ATP6V1B1: variants seen among roughly 807,000 people sequenced by gnomAD.
ATP6V1B1 encodes ATPase H+ transporting V1 subunit B1, also known as V-type proton ATPase subunit B, kidney isoform.
Under a neutral mutation model 62.1 loss-of-function variants are expected in ATP6V1B1, and 41 were observed. The observed-to-expected ratio is 0.66, with a 90% CI of 0.51 to 0.86. The LOEUF is 0.86. Ranked by LOEUF, ATP6V1B1 falls within the 40% of genes least tolerant of loss-of-function variation. The pLI, the probability that ATP6V1B1 is intolerant of heterozygous loss-of-function variation, is 0.00. For missense variants in ATP6V1B1, 651 were observed against 697.5 expected, an observed-to-expected ratio of 0.93 and a Z score of 0.75; for synonymous variants, 253 against 273.4, an observed-to-expected ratio of 0.93 and a Z score of 0.74.
chr2:70,962,959 C>A, intron 9 of ATP6V1B1, 59 bp downstream of exon 9: 1 of 1,611,032 alleles, frequency 6.2e-7, no homozygotes, highest in South Asian at 1.1e-5. Context: ...GCCTGACACC[C>A]CAGACGGTCA....
At position 70,964,112 on chromosome 2, in the gene ATP6V1B1, G is replaced by GTTTTTTTTTTTTT. The variant is rs1330555546; in HGVS notation, c.1144-325_1144-324insTTTTTTTTTTTTT. Reference sequence around the variant, plus strand: ...TGACGTTTTTCTCTTTGCTTGGCAGGTATTTTTTTTTTTTTTTTTTTTTTG... The same window carrying GTTTTTTTTTTTTT: ...TGACGTTTTTCTCTTTGCTTGGCAGGTTTTTTTTTTTTTTATTTTTTTTTTTTTTTTTTTTTTG... On this transcript the variant is annotated intron_variant, in intron 11 of 13. Transcript: ENST00000234396. The GTTTTTTTTTTTTT allele has an allele frequency of 6.7e-4, 106 of 158,308 alleles. 1 individual carries two copies. The highest frequency in any genetic ancestry group is 5.1e-3 in the African/African-American group (94 of 18,446). 9.8% of individuals were successfully genotyped at this position (158,308 alleles called of 1,614,324 possible).
At chr2:70,962,434 A>T (rs1276437413) in intron 8 of ATP6V1B1, among the ~76,000 whole-genome samples, 1 of 152,102 alleles carries the variant, frequency 6.6e-6, no homozygotes, top group Non-Finnish European at 1.5e-5. Flanking sequence ...CTACAGTGTG[A>T]TATGCCAGAG....
At chr2:70,958,168 G>A (rs1553419394) in intron 3 of ATP6V1B1, 24 bp downstream of exon 3, 1 of 1,610,600 alleles carries the variant, frequency 6.2e-7, no homozygotes, top group Non-Finnish European at 8.5e-7. Context: ...ATGGGACATT[G>A]GCTAGTTAAA....
At chr2:70,936,126 G>C in intron 1 of ATP6V1B1, 54 bp downstream of exon 1, 1 of 1,568,558 alleles carries the variant, frequency 6.4e-7, no homozygotes, top group Non-Finnish European at 8.8e-7. Flanking sequence ...GCTGGGGTGG[G>C]CTGCCAGGTT....
chr2:70,958,573 T>C, intron 4 of ATP6V1B1, 147 bp downstream of exon 4: 1 of 753,890 alleles, frequency 1.3e-6, no homozygotes, highest in Non-Finnish European at 2.2e-6. Flanking sequence ...CTGGGGTATG[T>C]CTTCTCTCTG....
chr2:70,945,487 AGAGT>A (rs148330066), intron 2 of ATP6V1B1, among the ~76,000 whole-genome samples: 23,651 of 151,726 alleles, frequency 0.16, 2,139 homozygotes, highest in East Asian at 0.48. Flanking sequence ...ACAAGAGGAT[AGAGT>A]ATGTAGAAAG....
In ATP6V1B1 at chr2:70,964,570, T is replaced by C. The variant is rs1553420717; in HGVS notation, c.1248+28T>C. On this transcript the variant is annotated intron_variant, in intron 12 of 13. Transcript: ENST00000234396. ...AAGGAGAAGAGGGTCCGGGGGCTGGTAGGTCCTCTAGTTTCCGAAGCTGAA... is the reference window on the plus strand; with the variant it reads ...AAGGAGAAGAGGGTCCGGGGGCTGGCAGGTCCTCTAGTTTCCGAAGCTGAA... The C allele has an allele frequency of 1.9e-6, 3 of 1,611,504 alleles. No individual in the cohort carries two copies. The South Asian group carries it at 3.3e-5, about 18-fold the overall frequency.
At chr2:70,948,633 T>TG (rs1193132588) in intron 2 of ATP6V1B1, 1 of 152,354 alleles carries the variant, frequency 6.6e-6, no homozygotes, top group Non-Finnish European at 1.5e-5. Flanking sequence ...CTCCCTCTTG[T>TG]GGTTGAGAAC....
At chr2:70,954,301 G>A (rs571615839) in intron 2 of ATP6V1B1, among the ~76,000 whole-genome samples, 4 of 152,116 alleles carry the variant, frequency 2.6e-5, no homozygotes, top group Non-Finnish European at 5.9e-5. Context: ...TTATGGGAGC[G>A]AAATGTTTTC....
intron 2 of ATP6V1B1, among the ~76,000 whole-genome samples, chr2:70,954,057 A>T (rs1553418656): frequency 6.6e-6 from 1 of 152,040 alleles, no homozygotes; most frequent in East Asian, 1.9e-4. Context: ...TGTCTACTTT[A>T]TTCAGCTTTT....
At chr2:70,957,229 G>C (rs1680459268) in intron 2 of ATP6V1B1, among the ~76,000 whole-genome samples, 1 of 141,390 alleles carries the variant, frequency 7.1e-6, no homozygotes, top group African/African-American at 2.6e-5. Flanking sequence ...GGGACTACAG[G>C]TGTGCACCAC....
rs1553419734 is a variant in ATP6V1B1 at position 70,959,916 on chromosome 2, G to A, written c.446-23G>A. On this transcript the variant is annotated intron_variant, in intron 5 of 13. Transcript: ENST00000234396. This position sits in a 1 kb window ranked among gnomAD's most constrained non-coding sequence, Gnocchi z 4.2. ...GGAAGGGTTTGAACCCCTGAGCATG[G>A]CTCTGTGATCGCCCTCTCCCAGGCC... 4 of 1,614,072 alleles carry A rather than the reference G, an allele frequency of 2.5e-6. No individual in the cohort carries two copies. The South Asian group carries it at 3.3e-5, about 13-fold the overall frequency.
Position 70,964,886 on chromosome 2 carries a change from G to T in ATP6V1B1, c.1378+21G>T, listed in dbSNP as rs782449964. On this transcript the variant is annotated intron_variant, in intron 13 of 13. Coordinates refer to ENST00000234396, the MANE Select transcript of ATP6V1B1 (RefSeq NM_001692.4). ...TCAGGGTAAGGCGCGTCGCTGGTGT[G>T]GAGCCAGTAACCTCTTCACCCTCCT... 6.2e-6 allele frequency: 10 copies of T among 1,614,038 alleles called. No individual in the cohort carries two copies. In the Admixed American group the frequency reaches 1.3e-4, roughly 22 times the overall value.
intron 2 of ATP6V1B1, chr2:70,944,109 CACAGGATCTTCTTTTA>C: frequency 7.8e-7 from 1 of 1,287,530 alleles, no homozygotes; most frequent in South Asian, 1.3e-5. Flanking sequence ...CCTCGACTCT[CACAGGATCTTCTTTTA>C]ACGGGAAAGA....
Position 70,964,799 on chromosome 2 carries a change from C to T in ATP6V1B1, c.1312C>T (p.Leu438Phe). The T allele has an allele frequency of 6.2e-7, 1 of 1,614,012 alleles. No individual in the cohort carries two copies. Among genetic ancestry groups the T allele is most frequent in the Non-Finnish European group, 8.5e-7 (1 of 1,180,036 alleles). Residue 438 changes from leucine (L) to phenylalanine (F), a missense_variant, in exon 13 of 14, where the codon CTC (leucine) becomes TTC (phenylalanine). Transcript: ENST00000234396. ...AMKAVVGEEA[L>F]TSEDLLYLEF... The stretch of plus-strand genomic sequence containing the variant: ...GAAGGCAGTAGTTGGGGAGGAGGCG[C>T]TCACCTCTGAGGACCTGCTCTACCT...
In ATP6V1B1 at chr2:70,963,036, C is replaced by G; in HGVS notation, c.910-126C>G. 2 of 1,597,818 alleles carry G rather than the reference C, an allele frequency of 1.3e-6. No homozygotes were observed. The highest frequency in any genetic ancestry group is 1.7e-6 in the Non-Finnish European group (2 of 1,171,114). On this transcript the variant is annotated intron_variant, in intron 9 of 13. Transcript: ENST00000234396. The surrounding 1 kb of genome is among the most constrained non-coding windows in gnomAD (Gnocchi z 4.3). The stretch of plus-strand genomic sequence containing the variant: ...ACTCCCATGAGTTCCAGGGCTTGGT[C>G]TCAGCCTGGCCATTCCTCCCCTGCC...
chr2:70,950,216 C>T (rs2104815758), intron 2 of ATP6V1B1, among the ~76,000 whole-genome samples: 1 of 152,242 alleles, frequency 6.6e-6, no homozygotes, highest in South Asian at 2.1e-4. Context: ...TATCAATTTA[C>T]TGCTTGACTT....
At chr2:70,955,600 C>CT (rs1364975790) in intron 2 of ATP6V1B1, among the ~76,000 whole-genome samples, 3 of 151,984 alleles carry the variant, frequency 2.0e-5, no homozygotes, top group Non-Finnish European at 4.4e-5. Flanking sequence ...CTGTGCCTGA[C>CT]TTTTTTCACT....
At chr2:70,943,622 G>A (rs1430845194) in intron 1 of ATP6V1B1, 36 bp from the exon 2 acceptor site, 2 of 1,605,616 alleles carry the variant, frequency 1.2e-6, no homozygotes, top group Non-Finnish European at 1.7e-6. Flanking sequence ...AGGGTGTTTG[G>A]GGTGAGACCC....
Sources: allele counts gnomAD v4.1 joint callset (sites outside exome capture counted in the v4.1 genomes callset), GRCh38; gene constraint gnomAD v4.1.1; non-coding constraint Gnocchi (gnomAD v3.1); transcripts MANE v1.5; gene names NCBI Gene and HGNC (gene_info 2026-07-23, HGNC 2026-07-21).